The following WDFY2 variants were observed in gnomAD, a reference collection of about 807,000 sequenced individuals.
The protein encoded by WDFY2 is WD repeat and FYVE domain-containing protein 2.
Under a neutral mutation model 56.4 loss-of-function variants are expected in WDFY2, and 36 were observed. That is an observed-to-expected ratio of 0.64 (90% CI 0.49 to 0.84). The LOEUF is 0.84. Ranked by LOEUF, WDFY2 falls within the 40% of genes least tolerant of loss-of-function variation. The pLI is 0.00. For synonymous variants in WDFY2, 176 were observed against 183.7 expected, an observed-to-expected ratio of 0.96 and a Z score of 0.34; for missense variants, 444 against 512.2, an observed-to-expected ratio of 0.87 and a Z score of 1.29.
chr13:51,758,041 AC>A, intron 10 of WDFY2, 150 bp from the exon 11 acceptor site: 1 of 409,632 alleles, frequency 2.4e-6, no homozygotes, highest in Non-Finnish European at 4.6e-6. Context: ...ATAACTGGTC[AC>A]CAGGGAATAA....
At chr13:51,664,131 G>A (rs1955660538) in intron 2 of WDFY2, among the ~76,000 whole-genome samples, 1 of 152,178 alleles carries the variant, frequency 6.6e-6, no homozygotes, top group Non-Finnish European at 1.5e-5. Context: ...CAGCTTAAAA[G>A]GCAGAGTGTG....
chr13:51,593,235 C>A (rs1378231777), intron 1 of WDFY2, among the ~76,000 whole-genome samples: 1 of 152,156 alleles, frequency 6.6e-6, no homozygotes, highest in Non-Finnish European at 1.5e-5. Flanking sequence ...ACTGTATATA[C>A]TTGGCCTCTG....
chr13:51,751,208 C>T (rs1231172343), intron 7 of WDFY2, 102 bp from the exon 8 acceptor site: 1 of 1,015,854 alleles, frequency 9.8e-7, no homozygotes, highest in Non-Finnish European at 1.4e-6. Context: ...ACACTGGGGG[C>T]TCGGAGTGAG....
intron 1 of WDFY2, among the ~76,000 whole-genome samples, chr13:51,641,412 G>A (rs976102281): frequency 3.9e-5 from 6 of 152,106 alleles, no homozygotes; most frequent in Non-Finnish European, 5.9e-5. Flanking sequence ...ATAAGAGGTG[G>A]TATTGAAAAA....
chr13:51,588,356 G>C (rs775088845), intron 1 of WDFY2: 4 of 152,226 alleles, frequency 2.6e-5, no homozygotes, highest in Non-Finnish European at 4.4e-5. Context: ...CTCTCTCCAG[G>C]TGGGACCAGT....
At position 51,712,928 on chromosome 13, in the gene WDFY2, CAT is replaced by C. The variant is rs1163045272; in HGVS notation, c.335-6268_335-6267del. 2.0e-5 allele frequency among the ~76,000 whole-genome samples: 3 copies of C among 152,104 alleles called. No individual in the cohort carries two copies. In the South Asian group the frequency reaches 6.2e-4, roughly 32 times the overall value. The stretch of plus-strand genomic sequence containing the variant: ...AATTGTGAAAGATTACTAAAAAAGA[CAT>C]AGATAATCCTAATAGTTCTGTATCT... On this transcript the variant is annotated intron_variant, in intron 4 of 11. Transcript: ENST00000298125.
At chr13:51,735,018 C>G (rs1952804803) in intron 6 of WDFY2, among the ~76,000 whole-genome samples, 1 of 152,202 alleles carries the variant, frequency 6.6e-6, no homozygotes, top group South Asian at 2.1e-4. Flanking sequence ...TGGTTGACTT[C>G]CTCTGCTGCC....
At chr13:51,736,521 C>T (rs1952840270) in intron 6 of WDFY2, among the ~76,000 whole-genome samples, 1 of 152,226 alleles carries the variant, frequency 6.6e-6, no homozygotes, top group South Asian at 2.1e-4. Context: ...GAGACGGAGT[C>T]TCACTCTGTT....
intron 2 of WDFY2, among the ~76,000 whole-genome samples, chr13:51,674,279 T>A (rs1231641390): frequency 6.6e-6 from 1 of 152,250 alleles, no homozygotes; most frequent in Non-Finnish European, 1.5e-5. Context: ...AAAACTGTGC[T>A]GGGCTCTTTA....
intron 1 of WDFY2, among the ~76,000 whole-genome samples, chr13:51,630,767 C>CTT (rs892945137): frequency 8.1e-5 from 11 of 136,002 alleles, no homozygotes; most frequent in African/African-American, 3.0e-4. Flanking sequence ...TCAAGTTTTT[C>CTT]TTTTTTTTTT....
intron 1 of WDFY2, among the ~76,000 whole-genome samples, chr13:51,603,815 G>T (rs567856704): frequency 3.3e-5 from 5 of 152,262 alleles, no homozygotes; most frequent in African/African-American, 1.2e-4. Flanking sequence ...AAAAATCTTT[G>T]TAAAGCTTTA....
intron 1 of WDFY2, among the ~76,000 whole-genome samples, chr13:51,597,321 A>G (rs908425465): frequency 6.6e-6 from 1 of 152,188 alleles, no homozygotes; most frequent in Non-Finnish European, 1.5e-5. Flanking sequence ...TGAAGTTCTT[A>G]TATTTTGGTC....
At chr13:51,743,642 G>A (rs2138698515) in intron 7 of WDFY2, among the ~76,000 whole-genome samples, 1 of 152,234 alleles carries the variant, frequency 6.6e-6, no homozygotes, top group South Asian at 2.1e-4. Context: ...CATGTTTACT[G>A]AACTCCAGCT....
chr13:51,654,762 T>C (rs551716117), intron 1 of WDFY2, among the ~76,000 whole-genome samples: 2 of 152,336 alleles, frequency 1.3e-5, no homozygotes, highest in South Asian at 4.1e-4. Flanking sequence ...ATGGCACTTT[T>C]GATCTCTAAG....
intron 2 of WDFY2, among the ~76,000 whole-genome samples, chr13:51,664,137 G>A (rs1275532582): frequency 6.6e-6 from 1 of 152,180 alleles, no homozygotes; most frequent in Admixed American, 6.5e-5. Flanking sequence ...AAAAGGCAGA[G>A]TGTGATGAGG....
intron 10 of WDFY2, among the ~76,000 whole-genome samples, chr13:51,757,217 T>G (rs950946093): frequency 3.3e-5 from 5 of 152,210 alleles, no homozygotes; most frequent in African/African-American, 1.2e-4. Context: ...AAGTATGCAT[T>G]TATGTTCATT....
Position 51,760,438 on chromosome 13 carries a change from CTG to C in WDFY2, c.*671_*672del, listed in dbSNP as rs1953545415. The stretch of plus-strand genomic sequence containing the variant: ...GACTGTGTTTCTGCCTCAGTTGCCT[CTG>C]TCTTTCCCACATTAAAAAAAAAAAT... On this transcript the variant is annotated 3_prime_UTR_variant, in exon 12 of 12. Coordinates refer to ENST00000298125, the MANE Select transcript of WDFY2 (RefSeq NM_052950.4). 1 of 152,016 alleles carries C rather than the reference CTG, an allele frequency of 6.6e-6. No individual in the cohort carries two copies. The highest frequency in any genetic ancestry group is 1.5e-5 in the Non-Finnish European group (1 of 68,014). 9.4% of individuals were successfully genotyped at this position (152,016 alleles called of 1,614,324 possible). A position where few individuals can be genotyped will look rare whatever the true frequency, so the allele number is the denominator to read the frequency against.
chr13:51,620,378 A>T (rs1954702819), intron 1 of WDFY2, among the ~76,000 whole-genome samples: 1 of 151,972 alleles, frequency 6.6e-6, no homozygotes, highest in East Asian at 1.9e-4. Context: ...TCTGTTGAAG[A>T]CTGTGGCGGG....
chr13:51,650,757 A>G (rs961003043), intron 1 of WDFY2, among the ~76,000 whole-genome samples: 1 of 152,320 alleles, frequency 6.6e-6, no homozygotes, highest in Admixed American at 6.5e-5. Context: ...CATCCCAGGG[A>G]TGAAGCCCAC....
Sources: allele counts gnomAD v4.1 joint callset (sites outside exome capture counted in the v4.1 genomes callset), GRCh38; gene constraint gnomAD v4.1.1; transcripts MANE v1.5; gene names NCBI Gene and HGNC (gene_info 2026-07-23, HGNC 2026-07-21).